Variants in NCOR2 observed in about 807,000 individuals in gnomAD.
NCOR2 encodes nuclear receptor corepressor 2.
A neutral mutation model predicts 262.9 loss-of-function variants in NCOR2; 81 were observed. That is an observed-to-expected ratio of 0.31 (90% CI 0.26 to 0.37). NCOR2 has a LOEUF of 0.37. Ranked by LOEUF, NCOR2 falls within the 10% of genes least tolerant of loss-of-function variation. NCOR2 has a pLI of 1.00. For missense variants in NCOR2, 3,385 were observed against 3,621.4 expected, an observed-to-expected ratio of 0.93 and a Z score of 1.68; for synonymous variants, 1,659 against 1,559.3, an observed-to-expected ratio of 1.06 and a Z score of -1.51.
chr12:124,509,111 A>C (rs1351365309), intron 1 of NCOR2, among the ~76,000 whole-genome samples: 1 of 151,224 alleles, frequency 6.6e-6, no homozygotes, highest in Non-Finnish European at 1.5e-5. Flanking sequence ...GTCTCTGCCC[A>C]CCCGGCCCCA....
chr12:124,346,915 C>T, intron 30 of NCOR2, 65 bp from the exon 33 acceptor site: 2 of 1,417,188 alleles, frequency 1.4e-6, no homozygotes, highest in Non-Finnish European at 1.8e-6. Context: ...AGCCTCCACA[C>T]CAGTGGGTTC....
intron 13 of NCOR2, among the ~76,000 whole-genome samples, chr12:124,414,341 C>T (rs1164429493): frequency 6.6e-6 from 1 of 152,228 alleles, no homozygotes; most frequent in African/African-American, 2.4e-5. Context: ...TTGAAATCAT[C>T]ACAGTGTGTG....
chr12:124,540,457 G>T (rs2051258274), upstream of NCOR2, among the ~76,000 whole-genome samples: 1 of 60,458 alleles, frequency 1.7e-5, no homozygotes, highest in Non-Finnish European at 3.3e-5. Flanking sequence ...GGAGGGGGAT[G>T]GAGGTGGAGA....
At chr12:124,563,776 G>A (rs559501214) in intron 1 of NCOR2, among the ~76,000 whole-genome samples, 4 of 152,370 alleles carry the variant, frequency 2.6e-5, no homozygotes, top group African/African-American at 7.2e-5. Context: ...TGGGGAGAAC[G>A]AGTTCTCAGT....
intron 13 of NCOR2, among the ~76,000 whole-genome samples, chr12:124,411,690 T>C (rs565725423): frequency 6.6e-5 from 10 of 152,362 alleles, no homozygotes; most frequent in African/African-American, 2.2e-4. Flanking sequence ...CAATGAATCA[T>C]GGACTATAAA....
exon 20 of NCOR2, chr12:124,372,400 G>T: frequency 6.7e-7 from 1 of 1,502,004 alleles, no homozygotes. Flanking sequence ...TGGGGGTGCT[G>T]GTGGGGGCGT....
intron 20 of NCOR2, among the ~76,000 whole-genome samples, chr12:124,367,129 G>A (rs1593238232): frequency 6.6e-6 from 1 of 152,150 alleles, no homozygotes; most frequent in Non-Finnish European, 1.5e-5. Flanking sequence ...CCGAGAGCTC[G>A]CGTTTTCTAT....
chr12:124,497,376 C>T (rs564320810), upstream of NCOR2, among the ~76,000 whole-genome samples: 61 of 152,330 alleles, frequency 4.0e-4, no homozygotes, highest in Middle Eastern at 6.8e-3. This position sits in a 1 kb window ranked among gnomAD's most constrained non-coding sequence, Gnocchi z 4.2. Flanking sequence ...GCTGCGTGGC[C>T]TTGGGCAAGT....
chr12:124,535,914 C>T (rs1251620602), upstream of NCOR2, among the ~76,000 whole-genome samples: 1 of 151,702 alleles, frequency 6.6e-6, no homozygotes, highest in Non-Finnish European at 1.5e-5. Context: ...GCAAGACCAC[C>T]GAGGGGCCCC....
chr12:124,524,457 C>T (rs930724854), intron 1 of NCOR2, among the ~76,000 whole-genome samples: 8 of 152,224 alleles, frequency 5.3e-5, no homozygotes, highest in Admixed American at 4.6e-4. Context: ...TCCTGGGATG[C>T]CAGGTGACTC....
At chr12:124,379,472 A>T (rs2040255721) in intron 17 of NCOR2, among the ~76,000 whole-genome samples, 1 of 152,232 alleles carries the variant, frequency 6.6e-6, no homozygotes, top group African/African-American at 2.4e-5. Flanking sequence ...ACGCATAGAC[A>T]GCAGAGAGCA....
At chr12:124,420,727 C>A (rs996175449) in intron 12 of NCOR2, among the ~76,000 whole-genome samples, 2 of 152,248 alleles carry the variant, frequency 1.3e-5, no homozygotes, top group Admixed American at 1.3e-4. Flanking sequence ...ACGATGCCCC[C>A]ACTTGCGGGC....
chr12:124,418,328 GAC>G (rs1211641737), intron 13 of NCOR2, among the ~76,000 whole-genome samples: 2 of 152,234 alleles, frequency 1.3e-5, no homozygotes, highest in African/African-American at 4.8e-5. Flanking sequence ...TCATGCTCCT[GAC>G]AACAGCCTCG....
rs752766186 is a variant in NCOR2, at chr12:124,354,955, TGTG to T, written c.3382-19_3382-17del. On this transcript the variant is annotated splice_polypyrimidine_tract_variant and intron_variant, in intron 24 of 46. Coordinates refer to ENST00000405201, the Ensembl canonical transcript of NCOR2. The stretch of plus-strand genomic sequence containing the variant: ...CCGACATTCCCTGTAGGGGCGGAGT[TGTG>T]GGGTCACAGGGGCACCCTGGTCCCT... The T allele has an allele frequency of 3.1e-6, 5 of 1,609,670 alleles. No homozygotes were observed. The African/African-American group carries it at 6.7e-5, about 22-fold the overall frequency.
chr12:124,464,114 C>T (rs915991185), intron 5 of NCOR2, among the ~76,000 whole-genome samples: 2 of 152,170 alleles, frequency 1.3e-5, no homozygotes, highest in African/African-American at 4.8e-5. Flanking sequence ...TCAGAAGCCA[C>T]AAAGGAGGAA....
rs760401324 is a variant in NCOR2 at position 124,378,380 on chromosome 12, T to C, written c.2024A>G (p.Lys675Arg). ...CTTCTTCCTCCGCGCGTTCCTCTCC[T>C]TCTCCTGGGGCACAGGGAAGCAGCA... Residue 675 changes from lysine (K) to arginine (R), a missense_variant, in exon 18 of 47, where the codon AAG becomes AGG. By Grantham distance (26) the Lys-to-Arg change is conservative. Around this residue, in one of 5 missense-constraint regions of NCOR2, gnomAD observed 515 missense variants for 781.2 expected, o/e 0.66. Transcript: ENST00000405201. This position sits in a 1 kb window ranked among gnomAD's most constrained non-coding sequence, Gnocchi z 4.2. 31 of 1,611,102 alleles carry C rather than the reference T, an allele frequency of 1.9e-5. No individual in the cohort carries two copies. The highest frequency in any genetic ancestry group is 2.6e-5 in the Non-Finnish European group (31 of 1,179,108).
At chr12:124,434,990 A>G (rs1445559700) in intron 8 of NCOR2, among the ~76,000 whole-genome samples, 1 of 152,240 alleles carries the variant, frequency 6.6e-6, no homozygotes, top group Non-Finnish European at 1.5e-5. Context: ...GTCCCACTGC[A>G]TTCGGAATAA....
chr12:124,344,625 C>G (rs1057059885), exon 32 of NCOR2: 2 of 1,464,140 alleles, frequency 1.4e-6, no homozygotes, highest in South Asian at 1.4e-5. Context: ...TGGGCTCCCG[C>G]GTGGTCACGG....
chr12:124,494,760 C>T (rs372207702), intron 1 of NCOR2, among the ~76,000 whole-genome samples: 28 of 152,288 alleles, frequency 1.8e-4, no homozygotes, highest in African/African-American at 5.8e-4. Flanking sequence ...CTATCCGGCC[C>T]CCTTGCCCCC....
Sources: allele counts gnomAD v4.1 joint callset (sites outside exome capture counted in the v4.1 genomes callset), GRCh38; gene constraint gnomAD v4.1.1; regional missense constraint gnomAD v4.1.1; non-coding constraint Gnocchi (gnomAD v3.1); transcripts MANE v1.5; gene names NCBI Gene and HGNC (gene_info 2026-07-23, HGNC 2026-07-21).